The following SHPRH variants were observed in gnomAD, a reference collection of about 807,000 sequenced individuals.
SHPRH encodes E3 ubiquitin-protein ligase SHPRH.
Under a neutral mutation model 202.5 loss-of-function variants are expected in SHPRH, and 106 were observed. The observed-to-expected ratio is 0.52, with a 90% confidence interval of 0.45 to 0.62. The LOEUF (loss-of-function observed/expected upper bound fraction) is 0.62. Among genes scored for constraint, SHPRH ranks in the 20% least tolerant of loss-of-function variants. SHPRH has a pLI of 0.00. For missense variants in SHPRH, 1,710 were observed against 2,020.0 expected (o/e 0.85, Z 2.94); for synonymous variants, 729 against 686.0 (o/e 1.06, Z -0.98).
downstream of SHPRH, among the ~76,000 whole-genome samples, chr6:145,860,071 T>C (rs1262814704): frequency 6.6e-6 from 1 of 152,076 alleles, no homozygotes; most frequent in East Asian, 1.9e-4. Flanking sequence ...TTCTTACAAC[T>C]ATCATACTCA....
intron 14 of SHPRH, among the ~76,000 whole-genome samples, chr6:145,929,170 A>G (rs1785179804): frequency 6.6e-6 from 1 of 151,956 alleles, no homozygotes; most frequent in African/African-American, 2.4e-5. Context: ...GGAAGATTAA[A>G]AAAAAACCCA....
chr6:145,864,256 A>C (rs1470183136), exon 3 of SHPRH: 1 of 214,340 alleles, frequency 4.7e-6, no homozygotes, highest in East Asian at 1.3e-4. Flanking sequence ...TGGGTTTCTT[A>C]ATGTTTATTC....
chr6:145,902,466 TTTTG>T (rs1158897295), intron 25 of SHPRH, among the ~76,000 whole-genome samples: 1 of 152,106 alleles, frequency 6.6e-6, no homozygotes, highest in Non-Finnish European at 1.5e-5. Flanking sequence ...GAAAATTCAG[TTTTG>T]TTTCTTTGCC....
At position 145,874,209 on chromosome 6, in the gene SHPRH, A is replaced by AAATAATAATAATAATAAT. The variant is rs58669613; in HGVS notation, c.222-9736_222-9719dup. Among the ~76,000 whole-genome samples the AAATAATAATAATAATAAT allele has an allele frequency of 1.7e-3, 257 of 147,902 alleles. 2 individuals are homozygous for AAATAATAATAATAATAAT. In the East Asian group the frequency reaches 0.021, roughly 12 times the overall value. On this transcript the variant is annotated intron_variant, in intron 2 of 2. Transcript: ENST00000417762. ...GTGAAACTCCATCTCAAAAATAATA[A>AAATAATAATAATAATAAT]AATAATAATAATAATAATAATAATA...
chr6:145,922,298 A>G lies in SHPRH; in HGVS notation c.3770T>C (p.Leu1257Pro). The G allele has an allele frequency of 6.4e-7, 1 of 1,570,118 alleles. No individual in the cohort carries two copies. The highest frequency in any genetic ancestry group is 1.2e-5 in the South Asian group (1 of 84,654). The change falls in exon 20 of 30, where the codon CTA becomes CCA. Residue 1257 changes from leucine (L) to proline (P), a missense_variant. Physicochemically the swap from Leu to Pro is moderately conservative, Grantham distance 98. This residue lies in a region of SHPRH where 288 missense variants were observed against 317.8 expected (regional missense o/e 0.91). Transcript: ENST00000275233. ...DELFTEYESK[L>P]FSNTVKGQTA... is the part of the protein sequence containing the mutation. ...ATAGAGAACTTACGTGTTGGAAAAT[A>G]GCTTTGATTCATACTCTGTGAACAA...
intron 29 of SHPRH, 93 bp from the exon 30 acceptor site, chr6:145,886,880 C>A: frequency 2.9e-6 from 4 of 1,358,068 alleles, no homozygotes; most frequent in Non-Finnish European, 3.9e-6. Context: ...CATATTTTTT[C>A]TTAAGTTTTT....
chr6:145,884,671 C>T (rs1780839364), downstream of SHPRH: 1 of 152,068 alleles, frequency 6.6e-6, no homozygotes, highest in Non-Finnish European at 1.5e-5. Flanking sequence ...GAAACTGTCA[C>T]AATTGTTTTT....
At chr6:145,916,588 T>C (rs1783972784) in intron 23 of SHPRH, among the ~76,000 whole-genome samples, 2 of 152,158 alleles carry the variant, frequency 1.3e-5, no homozygotes, top group African/African-American at 2.4e-5. Flanking sequence ...TTAAATGCTT[T>C]TTCTTTTATT....
chr6:145,883,898 T>C (rs1162273351), downstream of SHPRH: 5 of 152,136 alleles, frequency 3.3e-5, no homozygotes, highest in Admixed American at 6.5e-5. Flanking sequence ...TCTAGAAAAA[T>C]TGAAAGATAC....
intron 11 of SHPRH, among the ~76,000 whole-genome samples, chr6:145,938,173 G>C (rs1018889247): frequency 2.6e-5 from 4 of 151,694 alleles, no homozygotes; most frequent in African/African-American, 9.7e-5. Context: ...TCAGTCATGA[G>C]GGTGGAACCC....
At chr6:145,930,984 A>AT (rs1785380850) in intron 14 of SHPRH, among the ~76,000 whole-genome samples, 1 of 152,164 alleles carries the variant, frequency 6.6e-6, no homozygotes, top group Non-Finnish European at 1.5e-5. Context: ...AATCTACTTT[A>AT]TAAGTTCCAG....
Position 145,886,392 on chromosome 6 carries a change from A to G in SHPRH, c.*299T>C. 2.7e-6 allele frequency: 2 copies of G among 735,400 alleles called. No homozygotes were observed. Among genetic ancestry groups the G allele is most frequent in the East Asian group, 2.5e-5 (1 of 40,318 alleles). The allele number at this position is 735,400 out of a possible 1,614,324, so 45.6% of individuals were successfully genotyped here. ...TTTTATGAGTGATCTTATCATAAGA[A>G]AAGTACACATTACCTCTCTTAATTC... On this transcript the variant is annotated 3_prime_UTR_variant, in exon 30 of 30. Transcript: ENST00000275233.
rs888016816 is a variant in SHPRH at position 145,910,335 on chromosome 6, G to A, written c.4515+113C>T. 3.3e-5 allele frequency: 39 copies of A among 1,197,516 alleles called. No individual in the cohort carries two copies. The East Asian group carries it at 5.2e-4, about 16-fold the overall frequency. The allele number at this position is 1,197,516 out of a possible 1,614,324, so 74.2% of individuals were successfully genotyped here. On this transcript the variant is annotated intron_variant, in intron 25 of 29. Transcript: ENST00000275233. ...CAGTGTATCTACAGACAACAGTGGC[G>A]TCTACCTATTCACTGTCAAGCTTGT...
rs1783413379 is a variant in SHPRH, at chr6:145,910,678, C to T, written c.4327-42G>A. ...ACAAGCCTTAGTGCTATCAAAGATG[C>T]CTTACAATTTATAAGCATATTAAAA... is the stretch of plus-strand genomic sequence containing the variant. On this transcript the variant is annotated intron_variant, in intron 24 of 29. Coordinates refer to ENST00000275233, the MANE Select transcript of SHPRH (RefSeq NM_001042683.3). 2.7e-6 allele frequency: 4 copies of T among 1,468,588 alleles called. 1 individual carries two copies. The South Asian group carries it at 4.6e-5, about 17-fold the overall frequency. 91.0% of individuals were successfully genotyped at this position (1,468,588 alleles called of 1,614,324 possible).
chr6:145,921,339 A>G lies in SHPRH; in HGVS notation c.3836T>C (p.Leu1279Pro). Residue 1279 changes from leucine (L) to proline (P), a missense_variant, in exon 21 of 30, where the codon CTG becomes CCG. Leu to Pro is a moderately conservative substitution (Grantham distance 98). Around this residue, in one of 8 missense-constraint regions of SHPRH, gnomAD observed 288 missense variants for 317.8 expected, o/e 0.91. Coordinates refer to ENST00000275233, the MANE Select transcript of SHPRH (RefSeq NM_001042683.3). ...FEEMIEDEEG[L>P]VDDRAPTTTR... ...GGTGGTAGGTGCTCGATCATCCACC[A>G]GTCCTTCTTCATCTTCTATCATCTC... 6.2e-7 allele frequency: 1 copy of G among 1,612,842 alleles called. No homozygotes were observed. Among genetic ancestry groups the G allele is most frequent in the Non-Finnish European group, 8.5e-7 (1 of 1,179,272 alleles).
intron 14 of SHPRH, among the ~76,000 whole-genome samples, chr6:145,928,794 A>G (rs1220817825): frequency 6.6e-6 from 1 of 151,978 alleles, no homozygotes; most frequent in Non-Finnish European, 1.5e-5. Flanking sequence ...AAAGCTTTCT[A>G]AAACACACAT....
At chr6:145,875,221 C>T (rs1214195078) in intron 2 of SHPRH, among the ~76,000 whole-genome samples, 1 of 152,148 alleles carries the variant, frequency 6.6e-6, no homozygotes, top group Non-Finnish European at 1.5e-5. Flanking sequence ...ATTTAAGCCC[C>T]AGGAGATATT....
At chr6:145,922,005 T>C (rs1235714053) in intron 20 of SHPRH, among the ~76,000 whole-genome samples, 1 of 152,036 alleles carries the variant, frequency 6.6e-6, no homozygotes, top group Admixed American at 6.6e-5. Context: ...ATCTGTATAA[T>C]TCAAATCCAC....
intron 8 of SHPRH, among the ~76,000 whole-genome samples, chr6:145,944,701 G>T (rs563963946): frequency 1.3e-5 from 2 of 151,956 alleles, no homozygotes; most frequent in Non-Finnish European, 2.9e-5. Flanking sequence ...TCCACATTTT[G>T]ACTTGTTGTC....
Sources: gnomAD v4.1 joint callset for allele counts (sites outside exome capture counted in the v4.1 genomes callset) on GRCh38, gnomAD v4.1.1 for gene constraint, gnomAD v4.1.1 regional missense constraint, MANE v1.5 for transcripts, NCBI Gene and HGNC (gene_info 2026-07-23, HGNC 2026-07-21) for gene names.